Variants in EPHA7 observed in about 807,000 individuals in gnomAD.
EPHA7 encodes ephrin type-A receptor 7.
Under a neutral mutation model 112.6 loss-of-function variants are expected in EPHA7, and 25 were observed. That is an observed-to-expected ratio of 0.22 (90% CI 0.16 to 0.31). The LOEUF is 0.31. EPHA7 is among the 10% of genes least tolerant of loss of function. The pLI is 1.00. For missense variants in EPHA7, 962 were observed against 1,212.6 expected (o/e 0.79, Z 3.07); for synonymous variants, 437 against 406.5 (o/e 1.07, Z -0.90).
At chr6:93,419,106 G>A (rs1779397949) in intron 1 of EPHA7, 139 bp downstream of exon 1, 2 of 596,480 alleles carry the variant, frequency 3.4e-6, no homozygotes, top group Non-Finnish European at 5.3e-6. Flanking sequence ...CGGCCTCAGC[G>A]GTGAGGGGGC....
rs990741711 is a variant in EPHA7, at chr6:93,391,247, G to A, written c.832+19254C>T. On this transcript the variant is annotated intron_variant, in intron 3 of 16. Transcript: ENST00000369303. ...CTGAAAGATGGAACTACACCTTGGA[G>A]CAAGAGAGGTCATTATAGGAATAAA... Among the ~76,000 whole-genome samples, 16 of 152,048 alleles carry A rather than the reference G, an allele frequency of 1.1e-4. No individual in the cohort carries two copies. The East Asian group carries it at 1.9e-3, about 18-fold the overall frequency.
chr6:93,398,443 T>C (rs1310577998), intron 3 of EPHA7, among the ~76,000 whole-genome samples: 1 of 152,048 alleles, frequency 6.6e-6, no homozygotes, highest in Non-Finnish European at 1.5e-5. Context: ...ATTCAAATTA[T>C]GAAAATGTGC....
At chr6:93,405,850 T>TATATATATATATAA (rs1469158388) in intron 3 of EPHA7, among the ~76,000 whole-genome samples, 8 of 121,348 alleles carry the variant, frequency 6.6e-5, no homozygotes, top group East Asian at 2.4e-4. Context: ...TATATATATA[T>TATATATATATATAA]AAATGATTAT....
intron 15 of EPHA7, 26 bp from the exon 16 acceptor site, chr6:93,245,479 G>C (rs769504187): frequency 6.3e-7 from 1 of 1,598,464 alleles, no homozygotes; most frequent in South Asian, 1.1e-5. Flanking sequence ...ACAGAAAAGC[G>C]AACATTATCC....
chr6:93,282,640 G>T (rs1310027875), intron 5 of EPHA7, among the ~76,000 whole-genome samples: 1 of 152,156 alleles, frequency 6.6e-6, no homozygotes, highest in Non-Finnish European at 1.5e-5. Flanking sequence ...TTGCGGGGAG[G>T]TGTGGAGGGA....
intron 5 of EPHA7, among the ~76,000 whole-genome samples, chr6:93,346,352 A>G (rs1446991172): frequency 6.6e-6 from 1 of 151,746 alleles, no homozygotes; most frequent in Non-Finnish European, 1.5e-5. Context: ...TACCGCTTCA[A>G]TAACACTTAG....
At chr6:93,372,309 T>C (rs1328272842) in intron 3 of EPHA7, among the ~76,000 whole-genome samples, 1 of 151,386 alleles carries the variant, frequency 6.6e-6, no homozygotes. Flanking sequence ...CAAAGGGTAA[T>C]ACTTGCCAAA....
intron 3 of EPHA7, among the ~76,000 whole-genome samples, chr6:93,373,459 T>C (rs1401614981): frequency 6.6e-6 from 1 of 152,138 alleles, no homozygotes; most frequent in Non-Finnish European, 1.5e-5. Flanking sequence ...TGTAATTTAG[T>C]ACTTTTACAC....
intron 9 of EPHA7, among the ~76,000 whole-genome samples, chr6:93,261,044 G>A (rs535952823): frequency 1.3e-5 from 2 of 151,560 alleles, no homozygotes; most frequent in African/African-American, 2.4e-5. Context: ...GGTCTCTGAT[G>A]GTTCTTTATT....
intron 14 of EPHA7, among the ~76,000 whole-genome samples, chr6:93,250,321 A>T (rs1770148747): frequency 6.6e-6 from 1 of 152,144 alleles, no homozygotes; most frequent in African/African-American, 2.4e-5. Flanking sequence ...GCAGTAAAAC[A>T]ATTTTCTTGT....
At chr6:93,308,291 C>A (rs969794246) in intron 5 of EPHA7, among the ~76,000 whole-genome samples, 2 of 152,112 alleles carry the variant, frequency 1.3e-5, no homozygotes, top group African/African-American at 2.4e-5. Flanking sequence ...AGTACACAGG[C>A]TTTTCAACAC....
In EPHA7 at chr6:93,258,111, C is replaced by G; in HGVS notation, c.2098G>C (p.Val700Leu). The G allele has an allele frequency of 6.2e-7, 1 of 1,612,838 alleles. No individual in the cohort carries two copies. Among genetic ancestry groups the G allele is most frequent in the East Asian group, 2.2e-5 (1 of 44,828 alleles). Residue 700 changes from valine (V) to leucine (L), a missense_variant, in exon 11 of 17, where the codon GTT becomes CTT. Coordinates refer to ENST00000369303, the MANE Select transcript of EPHA7 (RefSeq NM_004440.4). ...DHPNVVHLEG[V>L]VTRGKPVMIV... The stretch of plus-strand genomic sequence containing the variant: ...AACCAATATCTACCTCTTGTAACAA[C>G]CCCTTCCAAATGGACAACATTCGGG...
chr6:93,247,940 C>G (rs1001346278), intron 14 of EPHA7, among the ~76,000 whole-genome samples: 5 of 151,904 alleles, frequency 3.3e-5, no homozygotes, highest in African/African-American at 9.7e-5. Context: ...AAAAATAGAT[C>G]TTAAAAACCT....
chr6:93,332,384 C>A (rs1774638762), intron 5 of EPHA7, among the ~76,000 whole-genome samples: 1 of 151,648 alleles, frequency 6.6e-6, no homozygotes, highest in Admixed American at 6.6e-5. Flanking sequence ...CTAGTAAGTA[C>A]TATAAATAAT....
At chr6:93,403,661 TA>T (rs59162017) in intron 3 of EPHA7, among the ~76,000 whole-genome samples, 16,854 of 128,502 alleles carry the variant, frequency 0.13, 1,059 homozygotes, top group Middle Eastern at 0.21. Context: ...ACTCATCTCT[TA>T]AAAAAAAAAA....
rs146929438 is a variant in EPHA7 at position 93,275,255 on chromosome 6, G to A, written c.1325-2833C>T. On this transcript the variant is annotated intron_variant, in intron 5 of 16. Coordinates refer to ENST00000369303, the MANE Select transcript of EPHA7 (RefSeq NM_004440.4). ...TAATTATCAAAATGAAATTAGACAT[G>A]TTGTAATTGGAATTATGTGAAGATA... is the stretch of plus-strand genomic sequence containing the variant. 2.9e-3 allele frequency among the ~76,000 whole-genome samples: 446 copies of A among 151,858 alleles called. 2 individuals carry two copies. Among genetic ancestry groups the A allele is most frequent in the African/African-American group, 0.01 (421 of 41,524 alleles).
At chr6:93,339,659 T>G (rs1775046629) in intron 5 of EPHA7, among the ~76,000 whole-genome samples, 1 of 151,812 alleles carries the variant, frequency 6.6e-6, no homozygotes, top group Non-Finnish European at 1.5e-5. Context: ...TCTATTTTTC[T>G]CTAGATGCAT....
At chr6:93,356,531 A>G (rs1049011444) in intron 5 of EPHA7, among the ~76,000 whole-genome samples, 186 bp downstream of exon 5, 3 of 152,128 alleles carry the variant, frequency 2.0e-5, no homozygotes, top group Non-Finnish European at 4.4e-5. Context: ...TTCTCCTGCC[A>G]GATCTCTGAA....
chr6:93,284,419 A>C (rs774275621), intron 5 of EPHA7, among the ~76,000 whole-genome samples: 2 of 152,164 alleles, frequency 1.3e-5, no homozygotes, highest in South Asian at 2.1e-4. Flanking sequence ...CAGGAAAGAA[A>C]GGAGAAAGAA....
Sources: allele counts gnomAD v4.1 joint callset (sites outside exome capture counted in the v4.1 genomes callset), GRCh38; gene constraint gnomAD v4.1.1; transcripts MANE v1.5; gene names NCBI Gene and HGNC (gene_info 2026-07-23, HGNC 2026-07-21).